The following ZNF514 variants were observed in gnomAD, a reference collection of about 807,000 sequenced individuals.
ZNF514 encodes zinc finger protein 514.
ZNF514 carries 12 observed loss-of-function variants against 9.7 expected under a neutral mutation model. The observed-to-expected ratio is 1.24, with a 90% CI of 0.79 to 2.01. The LOEUF is 2.01. Ranked by LOEUF, ZNF514 falls within the 30% of genes most tolerant of loss-of-function variation. The probability of loss-of-function intolerance (pLI) is 0.00; values close to 1 mark genes in which losing one functional copy is unlikely to be tolerated. For synonymous variants in ZNF514, 158 were observed against 163.7 expected (o/e 0.97, Z 0.27); for missense variants, 467 against 465.5 (o/e 1.00, Z -0.03).
At chr2:95,125,234 T>C in the ZNF514 span, among the ~76,000 whole-genome samples, 6 of 149,902 alleles carry the variant, frequency 4.0e-5, no homozygotes, top group South Asian at 1.3e-3. Flanking sequence ...CATCCTTTTT[T>C]TTTTTTTTTT....
At position 95,145,004 on chromosome 2, in the gene ZNF514, A is replaced by G. The variant is rs1434216203; in HGVS notation, c.*4278T>C. Among the ~76,000 whole-genome samples the G allele has an allele frequency of 1.3e-5, 2 of 152,222 alleles. No individual in the cohort carries two copies. The highest frequency in any genetic ancestry group is 2.9e-5 in the Non-Finnish European group (2 of 68,048). ...AAATAACTACAGTAAGCAATATTAC[A>G]TTTTTCTAAAGAAATATTTAATTGG... On this transcript the variant is annotated 3_prime_UTR_variant, in exon 5 of 5. Coordinates refer to ENST00000295208, the MANE Select transcript of ZNF514 (RefSeq NM_032788.3).
chr2:95,142,142 A>G (rs1479851465), downstream of ZNF514, among the ~76,000 whole-genome samples: 4 of 152,188 alleles, frequency 2.6e-5, no homozygotes, highest in East Asian at 5.8e-4. Flanking sequence ...CCATTCTTAC[A>G]TTTTCCTAAA....
the ZNF514 span, among the ~76,000 whole-genome samples, chr2:95,127,535 A>G: frequency 1.3e-5 from 2 of 152,084 alleles, no homozygotes; most frequent in East Asian, 3.9e-4. Context: ...TCACCTCACT[A>G]TCTTCATTGT....
At chr2:95,124,197 C>T in the ZNF514 span, among the ~76,000 whole-genome samples, 3 of 152,186 alleles carry the variant, frequency 2.0e-5, no homozygotes, top group African/African-American at 7.2e-5. Context: ...AACCCACCCC[C>T]TCTTTTATCC....
At chr2:95,136,115 T>C in the ZNF514 span, among the ~76,000 whole-genome samples, 1 of 152,212 alleles carries the variant, frequency 6.6e-6, no homozygotes, top group African/African-American at 2.4e-5. Context: ...CATTTTTGTA[T>C]ATTGATCTTG....
At position 95,159,273 on chromosome 2, in the gene ZNF514, G is replaced by GTTTTAAT; in HGVS notation, c.-130_-129insATTAAAA. 1.2e-5 allele frequency: 2 copies of GTTTTAAT among 164,208 alleles called. No individual in the cohort carries two copies. The highest frequency in any genetic ancestry group is 2.6e-5 in the Non-Finnish European group (2 of 75,528). The allele number at this position is 164,208 out of a possible 1,614,324, so 10.2% of individuals were successfully genotyped here. A position where few individuals can be genotyped will look rare whatever the true frequency, so the allele number is the denominator to read the frequency against. ...CGGCTCCTCCTCAGGACCAGGCTCTGGAACCCAGCTCCCACGTGGATCCAC... is the reference window on the plus strand; with the variant it reads ...CGGCTCCTCCTCAGGACCAGGCTCTGTTTTAATGAACCCAGCTCCCACGTGGATCCAC... On this transcript the variant is annotated 5_prime_UTR_variant, in exon 1 of 5. Transcript: ENST00000295208.
At chr2:95,126,371 C>CAAAAAAAA in the ZNF514 span, among the ~76,000 whole-genome samples, 19 of 51,248 alleles carry the variant, frequency 3.7e-4, no homozygotes, top group East Asian at 6.8e-4. Flanking sequence ...AACTCCATCT[C>CAAAAAAAA]AAAAAAAAAA....
chr2:95,134,292 A>C, the ZNF514 span, among the ~76,000 whole-genome samples: 1 of 151,974 alleles, frequency 6.6e-6, no homozygotes, highest in African/African-American at 2.4e-5. Context: ...CTTAGGGATC[A>C]CCCCTATTTC....
chr2:95,150,305 T>C, intron 4 of ZNF514, 38 bp from the exon 5 acceptor site: 2 of 1,502,116 alleles, frequency 1.3e-6, no homozygotes, highest in Non-Finnish European at 8.8e-7. Flanking sequence ...GACATTCTAG[T>C]ATGTAGAATG....
intron 2 of ZNF514, 108 bp from the exon 3 acceptor site, chr2:95,153,367 C>G (rs995924452): frequency 1.6e-5 from 18 of 1,143,256 alleles, no homozygotes; most frequent in Non-Finnish European, 2.0e-5. Context: ...AGACATTCTT[C>G]TCAGGTGGAG....
the ZNF514 span, among the ~76,000 whole-genome samples, chr2:95,135,264 C>A: frequency 6.6e-6 from 1 of 151,994 alleles, no homozygotes; most frequent in Non-Finnish European, 1.5e-5. Flanking sequence ...TCTTTAATTT[C>A]TTTCAACAGT....
chr2:95,132,799 C>A, the ZNF514 span, among the ~76,000 whole-genome samples: 46 of 136,480 alleles, frequency 3.4e-4, no homozygotes, highest in Non-Finnish European at 6.1e-4. Context: ...ACCCAGGAGG[C>A]GGAGGTTGCA....
chr2:95,137,966 C>T, the ZNF514 span, among the ~76,000 whole-genome samples: 2 of 152,098 alleles, frequency 1.3e-5, no homozygotes, highest in Non-Finnish European at 2.9e-5. Flanking sequence ...ATACCTGCCC[C>T]CATCAACTCT....
chr2:95,158,957 A>G, intron 1 of ZNF514: 1 of 1,289,406 alleles, frequency 7.8e-7, no homozygotes, highest in Non-Finnish European at 1.0e-6. Flanking sequence ...CACGCTCCAG[A>G]GCCAAACCTG....
chr2:95,158,912 G>C, intron 1 of ZNF514: 1 of 1,289,760 alleles, frequency 7.8e-7, no homozygotes, highest in Non-Finnish European at 1.0e-6. Flanking sequence ...TATCGGGCTC[G>C]GTACTAGCTC....
At chr2:95,144,171 G>A (rs1673309394), downstream of ZNF514, among the ~76,000 whole-genome samples, 1 of 152,226 alleles carries the variant, frequency 6.6e-6, no homozygotes, top group African/African-American at 2.4e-5. Context: ...GTATCTGTGT[G>A]TCAGTGTACT....
At chr2:95,142,052 T>C (rs1285312907), downstream of ZNF514, among the ~76,000 whole-genome samples, 2 of 152,230 alleles carry the variant, frequency 1.3e-5, no homozygotes, top group African/African-American at 2.4e-5. Flanking sequence ...CCCCTGGTTG[T>C]CACCCACCCA....
At chr2:95,151,725 T>A (rs560295809) in intron 4 of ZNF514, among the ~76,000 whole-genome samples, 2 of 152,324 alleles carry the variant, frequency 1.3e-5, no homozygotes, top group East Asian at 3.9e-4. Context: ...CAATAGGTCT[T>A]GTGTGGCTCC....
chr2:95,158,338 G>A (rs1673742781), intron 1 of ZNF514, among the ~76,000 whole-genome samples: 1 of 152,334 alleles, frequency 6.6e-6, no homozygotes. Context: ...CCACTGGCCA[G>A]TTATGTGTCC....
Sources: allele counts gnomAD v4.1 joint callset (sites outside exome capture counted in the v4.1 genomes callset), GRCh38; gene constraint gnomAD v4.1.1; transcripts MANE v1.5; gene names NCBI Gene and HGNC (gene_info 2026-07-23, HGNC 2026-07-21).